Variants in NALCN observed in about 807,000 individuals in gnomAD.
NALCN encodes the protein sodium leak channel, non-selective, also known as sodium leak channel NALCN.
A neutral mutation model predicts 225.3 loss-of-function variants in NALCN; 111 were observed. The observed-to-expected ratio is 0.49, with a 90% CI of 0.42 to 0.58. NALCN has a LOEUF of 0.58. Among genes scored for constraint, NALCN ranks in the 20% least tolerant of loss-of-function variants. The probability of loss-of-function intolerance (pLI) is 0.00; values close to 1 mark genes in which losing one functional copy is unlikely to be tolerated. For synonymous variants in NALCN, 764 were observed against 769.0 expected (o/e 0.99, Z 0.11); for missense variants, 1,378 against 2,202.4 (o/e 0.63, Z 7.49).
At chr13:101,270,002 A>G (rs1320552261) in intron 10 of NALCN, among the ~76,000 whole-genome samples, 1 of 152,262 alleles carries the variant, frequency 6.6e-6, no homozygotes, top group Non-Finnish European at 1.5e-5. Flanking sequence ...GTGTCTAGAA[A>G]GAGTAGAAAA....
At position 101,057,498 on chromosome 13, in the gene NALCN, C is replaced by T. The variant is rs144336821; in HGVS notation, c.5023+441G>A. On this transcript the variant is annotated intron_variant, in intron 43 of 43. Coordinates refer to ENST00000251127, the MANE Select transcript of NALCN (RefSeq NM_052867.4). ...AAGCAGCTTGCCTAAAGCCAGTGAC[C>T]GGCTCAGCTGCAAAGTGTGCTGAGA... 1,065 of 211,592 alleles carry T rather than the reference C, an allele frequency of 5.0e-3. 12 individuals are homozygous for T. Among genetic ancestry groups the T allele is most frequent in the South Asian group, 0.028 (401 of 14,126 alleles). 13.1% of individuals were successfully genotyped at this position (211,592 alleles called of 1,614,324 possible). A position where few individuals can be genotyped will look rare whatever the true frequency, so the allele number is the denominator to read the frequency against.
rs914362478 is a variant in NALCN, at chr13:101,249,036, C to A, written c.1266+9407G>T. Among the ~76,000 whole-genome samples, 6 of 151,992 alleles carry A rather than the reference C, an allele frequency of 3.9e-5. No homozygotes were observed. In the East Asian group the frequency reaches 1.2e-3, roughly 29 times the overall value. ...AAGGGTAATCTTGTAGAGGACTGTG[C>A]CTCTGTGCTGTGAAGTTTGGTCTAA... On this transcript the variant is annotated intron_variant, in intron 11 of 43. Coordinates refer to ENST00000251127, the MANE Select transcript of NALCN (RefSeq NM_052867.4).
chr13:101,150,255 G>A (rs1194749989), intron 15 of NALCN, among the ~76,000 whole-genome samples: 3 of 152,226 alleles, frequency 2.0e-5, no homozygotes, highest in African/African-American at 4.8e-5. Context: ...TGGGGGTGGC[G>A]GGGAGCGGGA....
chr13:101,318,125 T>A (rs1369236443), intron 7 of NALCN, among the ~76,000 whole-genome samples: 1 of 152,164 alleles, frequency 6.6e-6, no homozygotes, highest in Admixed American at 6.5e-5. Flanking sequence ...GCCGGAAACC[T>A]CTGTAGCCAG....
At chr13:101,413,986 C>T (rs9513893) in intron 1 of NALCN, among the ~76,000 whole-genome samples, 4 of 151,666 alleles carry the variant, frequency 2.6e-5, no homozygotes, top group East Asian at 1.9e-4. Flanking sequence ...TCTGGGCTCA[C>T]GCGATCCTTC....
chr13:101,119,942 CAA>C (rs1161381626), intron 18 of NALCN, among the ~76,000 whole-genome samples: 1 of 151,840 alleles, frequency 6.6e-6, no homozygotes, highest in East Asian at 1.9e-4. Context: ...TTTTTCTCAT[CAA>C]AGAGTTCTCA....
At chr13:101,336,082 T>C (rs933132609) in intron 7 of NALCN, among the ~76,000 whole-genome samples, 1 of 152,120 alleles carries the variant, frequency 6.6e-6, no homozygotes, top group East Asian at 1.9e-4. Context: ...GAAAAAGATA[T>C]AGAAAGTTAT....
intron 1 of NALCN, among the ~76,000 whole-genome samples, chr13:101,413,593 C>T (rs977241425): frequency 1.3e-5 from 2 of 151,998 alleles, no homozygotes; most frequent in Non-Finnish European, 2.9e-5. Flanking sequence ...TCCAATGCCA[C>T]GATGACAACT....
intron 27 of NALCN, among the ~76,000 whole-genome samples, chr13:101,097,084 A>G (rs1040536186): frequency 6.6e-6 from 1 of 152,138 alleles, no homozygotes; most frequent in African/African-American, 2.4e-5. Flanking sequence ...CATTCTTACT[A>G]CGATGAGTTT....
chr13:101,268,316 C>A (rs1240327693), intron 10 of NALCN, among the ~76,000 whole-genome samples: 1 of 152,034 alleles, frequency 6.6e-6, no homozygotes, highest in African/African-American at 2.4e-5. Context: ...ATGGTGGGAG[C>A]ATTTACATTA....
At chr13:101,114,235 T>C (rs561809909) in intron 18 of NALCN, among the ~76,000 whole-genome samples, 1 of 152,294 alleles carries the variant, frequency 6.6e-6, no homozygotes, top group South Asian at 2.1e-4. Flanking sequence ...ATTTCCCATA[T>C]GTAAAATGCA....
chr13:101,265,190 C>T (rs1028257921), intron 10 of NALCN, among the ~76,000 whole-genome samples: 1 of 152,142 alleles, frequency 6.6e-6, no homozygotes, highest in Non-Finnish European at 1.5e-5. Flanking sequence ...CAGACACCAG[C>T]TCAAACTGTC....
intron 7 of NALCN, among the ~76,000 whole-genome samples, chr13:101,325,745 T>C (rs1357311963): frequency 6.6e-6 from 1 of 152,214 alleles, no homozygotes; most frequent in African/African-American, 2.4e-5. Flanking sequence ...GGTTTAAACA[T>C]GGTGTGTGTG....
intron 6 of NALCN, among the ~76,000 whole-genome samples, chr13:101,371,430 C>T (rs1465798464): frequency 2.0e-5 from 3 of 152,140 alleles, no homozygotes; most frequent in African/African-American, 7.2e-5. Flanking sequence ...GTGATCATCC[C>T]ACCTCAGTCT....
At chr13:101,277,767 C>A (rs548514498) in intron 10 of NALCN, among the ~76,000 whole-genome samples, 162 of 152,140 alleles carry the variant, frequency 1.1e-3, no homozygotes, top group Non-Finnish European at 2.0e-3. Flanking sequence ...AGAAATCTTT[C>A]TCTACTCTTA....
intron 11 of NALCN, among the ~76,000 whole-genome samples, chr13:101,254,546 G>A (rs999191586): frequency 6.6e-6 from 1 of 151,864 alleles, no homozygotes; most frequent in Admixed American, 6.6e-5. Flanking sequence ...TATTTTTCCA[G>A]GATTTCAAGT....
intron 10 of NALCN, among the ~76,000 whole-genome samples, chr13:101,280,877 TCTCTC>T (rs1288038238): frequency 1.2e-4 from 5 of 42,110 alleles, no homozygotes; most frequent in Admixed American, 3.6e-4. Context: ...TCATTCTCTC[TCTCTC>T]TTTTTTTTTT....
chr13:101,337,301 T>C (rs2045409742), intron 7 of NALCN, among the ~76,000 whole-genome samples: 1 of 149,724 alleles, frequency 6.7e-6, no homozygotes, highest in Admixed American at 6.6e-5. Flanking sequence ...TATTTATTTA[T>C]TTATTTATTT....
At chr13:101,102,673 A>T (rs1302042578) in intron 26 of NALCN, among the ~76,000 whole-genome samples, 1 of 152,154 alleles carries the variant, frequency 6.6e-6, no homozygotes, top group Non-Finnish European at 1.5e-5. Context: ...TGCTGAAGTT[A>T]ATTGAAGTGG....
Sources: allele counts gnomAD v4.1 joint callset (sites outside exome capture counted in the v4.1 genomes callset), GRCh38; gene constraint gnomAD v4.1.1; transcripts MANE v1.5; gene names NCBI Gene and HGNC (gene_info 2026-07-23, HGNC 2026-07-21).